CLEC2A: variants seen among roughly 807,000 people sequenced by gnomAD.
The protein encoded by CLEC2A is keratinocyte-associated C-type lectin.
Under a neutral mutation model 18.6 loss-of-function variants are expected in CLEC2A, and 19 were observed. The ratio of observed to expected loss-of-function variants is 1.02; its 90% CI spans 0.71 to 1.50. CLEC2A has a LOEUF of 1.50. Ranked by LOEUF, CLEC2A falls within the 40% of genes most tolerant of loss-of-function variation. The pLI, the probability that CLEC2A is intolerant of heterozygous loss-of-function variation, is 0.00. For synonymous variants in CLEC2A, 74 were observed against 64.0 expected, an observed-to-expected ratio of 1.16 and a Z score of -0.75; for missense variants, 190 against 207.9, an observed-to-expected ratio of 0.91 and a Z score of 0.53.
the CLEC2A span, among the ~76,000 whole-genome samples, chr12:9,881,940 A>T: frequency 1.3e-5 from 2 of 152,098 alleles, no homozygotes; most frequent in Non-Finnish European, 2.9e-5. Flanking sequence ...AGGCTGAAAA[A>T]TTGTGTTTTT....
At chr12:9,888,323 T>C in the CLEC2A span, among the ~76,000 whole-genome samples, 1 of 151,346 alleles carries the variant, frequency 6.6e-6, no homozygotes, top group African/African-American at 2.4e-5. Context: ...ACCCCATCTC[T>C]ACTAAAAATA....
At chr12:9,899,188 T>C (rs977334834) in intron 4 of CLEC2A, among the ~76,000 whole-genome samples, 3 of 151,760 alleles carry the variant, frequency 2.0e-5, no homozygotes, top group Non-Finnish European at 4.4e-5. Context: ...CTGAGCCCAA[T>C]CCTAAAACTA....
intron 3 of CLEC2A, among the ~76,000 whole-genome samples, chr12:9,919,804 C>A (rs1047489633): frequency 4.6e-5 from 7 of 152,150 alleles, no homozygotes; most frequent in Admixed American, 1.3e-4. Flanking sequence ...GGTGGCCTGC[C>A]CCTCCCTCTG....
downstream of CLEC2A, among the ~76,000 whole-genome samples, chr12:9,910,650 C>A (rs1249386227): frequency 6.6e-6 from 1 of 152,244 alleles, no homozygotes; most frequent in Non-Finnish European, 1.5e-5. Context: ...GATATCCCGA[C>A]CTCCAAGGAA....
At chr12:9,878,997 A>G in the CLEC2A span, among the ~76,000 whole-genome samples, 2 of 152,280 alleles carry the variant, frequency 1.3e-5, no homozygotes, top group African/African-American at 4.8e-5. Context: ...GCTACAGCGG[A>G]ATCAGGCTTT....
chr12:9,899,237 A>G (rs1862792985), intron 4 of CLEC2A, among the ~76,000 whole-genome samples: 1 of 152,160 alleles, frequency 6.6e-6, no homozygotes, highest in Non-Finnish European at 1.5e-5. Context: ...TTCCACTTTA[A>G]AGGATGTATC....
downstream of CLEC2A, chr12:9,913,160 G>C (rs558385143): frequency 4.6e-6 from 1 of 218,996 alleles, no homozygotes; most frequent in Admixed American, 6.5e-5. Context: ...TATTACTCTA[G>C]TCTATATAGT....
At chr12:9,916,570 T>C (rs1361072754) in intron 4 of CLEC2A, 130 bp downstream of exon 4, 24 of 681,072 alleles carry the variant, frequency 3.5e-5, no homozygotes, top group South Asian at 5.6e-5. Flanking sequence ...ATGTCATCGA[T>C]TGGAGACTGA....
the CLEC2A span, among the ~76,000 whole-genome samples, chr12:9,890,890 A>T: frequency 6.6e-6 from 1 of 152,234 alleles, no homozygotes; most frequent in African/African-American, 2.4e-5. Context: ...TTCCTAACAA[A>T]GCTAGCAAAA....
At chr12:9,888,689 G>T in the CLEC2A span, 2 of 1,150,864 alleles carry the variant, frequency 1.7e-6, no homozygotes, top group South Asian at 2.7e-5. Flanking sequence ...GATTGCTATT[G>T]ATTTTTAAAT....
the CLEC2A span, among the ~76,000 whole-genome samples, chr12:9,891,092 T>G: frequency 6.6e-6 from 1 of 151,910 alleles, no homozygotes; most frequent in East Asian, 1.9e-4. Flanking sequence ...TAGGTCATGG[T>G]TGGGCACAAT....
intron 3 of CLEC2A, among the ~76,000 whole-genome samples, chr12:9,917,540 CAAAGATA>C (rs942401524): frequency 1.3e-4 from 20 of 152,078 alleles, no homozygotes; most frequent in Admixed American, 2.6e-4. Flanking sequence ...AGTACTAGAT[CAAAGATA>C]AAAGTAGACA....
At chr12:9,884,835 A>T in the CLEC2A span, 2 of 408,324 alleles carry the variant, frequency 4.9e-6, no homozygotes, top group East Asian at 3.8e-5. Flanking sequence ...TTCTAATGAC[A>T]TATCTAAAAT....
At chr12:9,929,469 T>C (rs912588794) in intron 1 of CLEC2A, among the ~76,000 whole-genome samples, 19 of 152,172 alleles carry the variant, frequency 1.2e-4, no homozygotes, top group Admixed American at 6.5e-5. Context: ...AACAGGGACT[T>C]ATCTCAGATA....
chr12:9,912,689 G>T (rs529329838), downstream of CLEC2A, among the ~76,000 whole-genome samples: 1 of 150,434 alleles, frequency 6.6e-6, no homozygotes, highest in Admixed American at 6.6e-5. Context: ...AGGAAAACAG[G>T]ATGCTCTGCT....
At chr12:9,916,888 T>C (rs1863081262) in intron 3 of CLEC2A, 85 bp from the exon 4 acceptor site, 2 of 784,694 alleles carry the variant, frequency 2.5e-6, no homozygotes, top group Non-Finnish European at 4.3e-6. Context: ...TTATTCTATC[T>C]TTTAGGATTC....
chr12:9,922,219 C>G lies in CLEC2A; in HGVS notation c.153G>C (p.Lys51Asn). 6.5e-7 allele frequency: 1 copy of G among 1,532,154 alleles called. No individual in the cohort carries two copies. Among genetic ancestry groups the G allele is most frequent in the Non-Finnish European group, 8.8e-7 (1 of 1,139,188 alleles). The allele number at this position is 1,532,154 out of a possible 1,614,324, so 94.9% of individuals were successfully genotyped here. Residue 51 changes from lysine (K) to asparagine (N), a missense_variant, in exon 3 of 5, where the codon AAG (lysine) becomes AAC (asparagine). Lys to Asn is a moderately conservative substitution (Grantham distance 94). Coordinates refer to ENST00000455827, the MANE Select transcript of CLEC2A (RefSeq NM_001130711.2). ...CTGAACATGCCACAGGTTTAGCATGCTTGGACCATGTGGCTGAAAAAAAAA... is the reference window on the plus strand; with the variant it reads ...CTGAACATGCCACAGGTTTAGCATGGTTGGACCATGTGGCTGAAAAAAAAA... ...VCIIMIATWS[K>N]HAKPVACSGD... is the part of the protein sequence containing the mutation.
the CLEC2A span, among the ~76,000 whole-genome samples, chr12:9,889,756 G>T: frequency 6.6e-6 from 1 of 151,910 alleles, no homozygotes; most frequent in Non-Finnish European, 1.5e-5. Context: ...CGGTAATACA[G>T]TGTGGAGGCA....
intron 4 of CLEC2A, chr12:9,899,046 A>G: frequency 1.5e-6 from 1 of 680,044 alleles, no homozygotes; most frequent in Non-Finnish European, 2.7e-6. Context: ...CAAGGGGAGG[A>G]GTAAGAATGG....
Sources: allele counts gnomAD v4.1 joint callset (sites outside exome capture counted in the v4.1 genomes callset), GRCh38; gene constraint gnomAD v4.1.1; transcripts MANE v1.5; gene names NCBI Gene and HGNC (gene_info 2026-07-23, HGNC 2026-07-21).